Variants in HMCN2 observed in about 807,000 individuals in gnomAD.
HMCN2 encodes hemicentin 2, also known as hemicentin-2.
In HMCN2, 325 loss-of-function variants were observed where a neutral mutation model predicts 377.5. That is an observed-to-expected ratio of 0.86 (90% CI 0.79 to 0.94). HMCN2 has a LOEUF of 0.94. HMCN2 is among the 40% of genes least tolerant of loss of function. The pLI is 0.00. For missense variants in HMCN2, 4,543 were observed against 4,725.3 expected (o/e 0.96, Z 1.13); for synonymous variants, 2,007 against 2,046.8 (o/e 0.98, Z 0.53).
Position 130,385,771 on chromosome 9 carries a change from C to T in HMCN2, c.9309+9C>T, listed in dbSNP as rs1231359977. ...AGATCCAGGAAGCCCAGGTGAGCAA[C>T]CCTGGGGGCACGGGCAGCCATGAGC... On this transcript the variant is annotated intron_variant, in intron 60 of 97. Coordinates refer to ENST00000683500, the MANE Select transcript of HMCN2 (RefSeq NM_001291815.2). 2 of 1,301,638 alleles carry T rather than the reference C, an allele frequency of 1.5e-6. No individual in the cohort carries two copies. The highest frequency in any genetic ancestry group is 1.1e-4 in the East Asian group (2 of 17,972). The allele number at this position is 1,301,638 out of a possible 1,614,324, so 80.6% of individuals were successfully genotyped here. A position where few individuals can be genotyped will look rare whatever the true frequency, so the allele number is the denominator to read the frequency against.
intron 43 of HMCN2, 53 bp from the exon 44 acceptor site, chr9:130,368,223 A>T: frequency 1.0e-6 from 1 of 973,932 alleles, no homozygotes. Flanking sequence ...GTGGAAAGAC[A>T]TCACGTCCTT....
chr9:130,367,491 G>A (rs1348466859), intron 43 of HMCN2, among the ~76,000 whole-genome samples: 1 of 152,126 alleles, frequency 6.6e-6, no homozygotes, highest in African/African-American at 2.4e-5. Flanking sequence ...AGTAGGTCGA[G>A]GTTGACAAAT....
intron 71 of HMCN2, 62 bp from the exon 72 acceptor site, chr9:130,395,862 C>A: frequency 8.1e-7 from 1 of 1,236,600 alleles, no homozygotes; most frequent in South Asian, 1.4e-5. Context: ...ACATCTGCTG[C>A]CGGGTGGCCT....
rs1034420813 is a variant in HMCN2, at chr9:130,382,829, C to T, written c.8696C>T (p.Pro2899Leu). Residue 2899 changes from proline to leucine, a missense_variant, in exon 56 of 98, where the codon CCA (proline) becomes CTA (leucine). Around this residue, in one of 5 missense-constraint regions of HMCN2, gnomAD observed 736 missense variants for 773.2 expected, o/e 0.95. Coordinates refer to ENST00000683500, the MANE Select transcript of HMCN2 (RefSeq NM_001291815.2). The part of the protein sequence containing the change: ...LQNGLPFSPS[P>L]RLQVLEDGQV... ...AATGGGCTGCCTTTCTCCCCGAGCC[C>T]ACGGCTGCAGGTCCTGGAGGACGGG... 1.8e-5 allele frequency: 18 copies of T among 985,792 alleles called. No individual in the cohort carries two copies. Among genetic ancestry groups the T allele is most frequent in the Admixed American group, 1.2e-4 (2 of 16,272 alleles). 61.1% of individuals were successfully genotyped at this position (985,792 alleles called of 1,614,324 possible).
chr9:130,296,862 G>A (rs910881818), intron 7 of HMCN2, 68 bp downstream of exon 7: 3 of 458,262 alleles, frequency 6.5e-6, no homozygotes, highest in African/African-American at 2.0e-5. Context: ...GCTTTGGGAA[G>A]TAGGGGGGAG....
intron 1 of HMCN2, among the ~76,000 whole-genome samples, chr9:130,277,612 A>G (rs1259883916): frequency 6.6e-6 from 1 of 152,208 alleles, no homozygotes; most frequent in Non-Finnish European, 1.5e-5. Flanking sequence ...TTATGAGCAA[A>G]TGCACGTCAA....
At chr9:130,398,995 G>A (rs984550430) in intron 75 of HMCN2, among the ~76,000 whole-genome samples, 4 of 152,126 alleles carry the variant, frequency 2.6e-5, no homozygotes, top group South Asian at 2.1e-4. Flanking sequence ...GCTCACACCT[G>A]TAGTCCCAGC....
rs191226377 is a variant in HMCN2 at position 130,351,257 on chromosome 9, C to A, written c.4431-166C>A. On this transcript the variant is annotated intron_variant, in intron 29 of 97. Coordinates refer to ENST00000683500, the MANE Select transcript of HMCN2 (RefSeq NM_001291815.2). This position sits in a 1 kb window ranked among gnomAD's most constrained non-coding sequence, Gnocchi z 5.4. Reference sequence around the variant, plus strand: ...TGTTCCGTGGCATGGACGGACCACACGTTGTTGATCCATTCCTCGCTTACT... The same window carrying A: ...TGTTCCGTGGCATGGACGGACCACAAGTTGTTGATCCATTCCTCGCTTACT... Among the ~76,000 whole-genome samples the A allele has an allele frequency of 4.6e-5, 7 of 152,200 alleles. No individual in the cohort carries two copies. Among genetic ancestry groups the A allele is most frequent in the Admixed American group, 4.6e-4 (7 of 15,278 alleles).
At chr9:130,322,338 CTAT>C (rs1483420625) in intron 19 of HMCN2, among the ~76,000 whole-genome samples, 64,692 of 148,360 alleles carry the variant, frequency 0.44, 14,953 homozygotes, top group South Asian at 0.57. Flanking sequence ...ATCTATCTAT[CTAT>C]CCATCTATCT....
intron 3 of HMCN2, 29 bp from the exon 4 acceptor site, chr9:130,286,159 C>A (rs782448483): frequency 2.1e-6 from 1 of 469,640 alleles, no homozygotes; most frequent in African/African-American, 2.0e-5. Context: ...CCAGGGAAGT[C>A]GAGAGCAGGC....
intron 85 of HMCN2, among the ~76,000 whole-genome samples, chr9:130,418,377 A>G (rs1369377375): frequency 6.6e-6 from 1 of 152,168 alleles, no homozygotes; most frequent in Non-Finnish European, 1.5e-5. Flanking sequence ...CCTGGCCAAT[A>G]TGACGAAACC....
chr9:130,433,556 C>G lies in HMCN2; in HGVS notation c.15103C>G (p.Arg5035Gly), dbSNP rs1040075561. The change falls in exon 98 of 98, where the codon CGC becomes GGC. Residue 5035 changes from arginine (R) to glycine (G), a missense_variant. This residue lies in a region of HMCN2 where 1,155 missense variants were observed against 1,157.7 expected (regional missense o/e 1.00). Transcript: ENST00000683500. ...CAGCCCCTTCGCGCTGCGTCCGCTG[C>G]GCGCGGGCCTTGGCGCGGTCTACAC... ...PRSPFALRPL[R>G]AGLGAVYTRR... 2.1e-5 allele frequency: 31 copies of G among 1,469,974 alleles called. 1 individual carries two copies. The highest frequency in any genetic ancestry group is 2.7e-5 in the Non-Finnish European group (30 of 1,116,326). The allele number at this position is 1,469,974 out of a possible 1,614,324, so 91.1% of individuals were successfully genotyped here.
At chr9:130,344,246 T>C (rs1403947103) in intron 25 of HMCN2, among the ~76,000 whole-genome samples, 1 of 151,296 alleles carries the variant, frequency 6.6e-6, no homozygotes, top group Non-Finnish European at 1.5e-5. Context: ...GAGAGGGGGG[T>C]GTGCATGTGT....
intron 85 of HMCN2, 127 bp from the exon 86 acceptor site, chr9:130,418,645 A>G: frequency 1.4e-6 from 1 of 740,120 alleles, no homozygotes; most frequent in Non-Finnish European, 2.0e-6. Context: ...GGGTGGAAGG[A>G]TCCTATGCAG....
In HMCN2 at chr9:130,425,699, C is replaced by G; in HGVS notation, c.13654C>G (p.His4552Asp). ...CTTCATCCTGCAGGACTTTGAGGAG[C>G]ACTACGTGCAAACAGGGCCTGGCCA... The part of the protein sequence containing the change: ...ADLQVQDFEE[H>D]YVQTGPGQLF... The change falls in exon 90 of 98, where the codon CAC becomes GAC. Residue 4552 changes from histidine (H) to aspartate (D), a missense_variant. This residue lies in a region of HMCN2 where 1,155 missense variants were observed against 1,157.7 expected (regional missense o/e 1.00). Coordinates refer to ENST00000683500, the MANE Select transcript of HMCN2 (RefSeq NM_001291815.2). 1 of 1,546,466 alleles carries G rather than the reference C, an allele frequency of 6.5e-7. No homozygotes were observed. Among genetic ancestry groups the G allele is most frequent in the Non-Finnish European group, 8.7e-7 (1 of 1,144,734 alleles).
At chr9:130,380,073 T>A (rs911897706) in intron 54 of HMCN2, among the ~76,000 whole-genome samples, 10 of 152,052 alleles carry the variant, frequency 6.6e-5, no homozygotes, top group African/African-American at 2.4e-4. Flanking sequence ...ATGGGGTTTT[T>A]CCATGTTGGC....
At chr9:130,354,319 C>T (rs1564808438) in intron 31 of HMCN2, among the ~76,000 whole-genome samples, 1 of 152,224 alleles carries the variant, frequency 6.6e-6, no homozygotes, top group South Asian at 2.1e-4. Flanking sequence ...GTTAGGAGCC[C>T]CCCAATCCAA....
chr9:130,308,757 A>G lies in HMCN2; in HGVS notation c.2201-1155A>G, dbSNP rs1417245226. 2.0e-5 allele frequency among the ~76,000 whole-genome samples: 3 copies of G among 152,220 alleles called. No individual in the cohort carries two copies. The highest frequency in any genetic ancestry group is 7.2e-5 in the African/African-American group (3 of 41,464). ...TGGCCTTGCCATGAAATATTCTTCC[A>G]TCTTCAGAAGGAAGGAGATTCTGAC... On this transcript the variant is annotated intron_variant, in intron 14 of 97. Transcript: ENST00000683500. This position sits in a 1 kb window ranked among gnomAD's most constrained non-coding sequence, Gnocchi z 4.1.
At chr9:130,417,664 G>T (rs1843772323) in intron 85 of HMCN2, among the ~76,000 whole-genome samples, 1 of 152,194 alleles carries the variant, frequency 6.6e-6, no homozygotes, top group Non-Finnish European at 1.5e-5. Context: ...GAATGCTGGT[G>T]GGGCAGAAGC....
Sources: allele counts gnomAD v4.1 joint callset (sites outside exome capture counted in the v4.1 genomes callset), GRCh38; gene constraint gnomAD v4.1.1; regional missense constraint gnomAD v4.1.1; non-coding constraint Gnocchi (gnomAD v3.1); transcripts MANE v1.5; gene names NCBI Gene and HGNC (gene_info 2026-07-23, HGNC 2026-07-21).